The following UBL3 variants were observed in gnomAD, a reference collection of about 807,000 sequenced individuals.
The protein encoded by UBL3 is ubiquitin-like protein 3.
In UBL3, 6 loss-of-function variants were observed where a neutral mutation model predicts 18.4. The ratio of observed to expected loss-of-function variants is 0.33; its 90% CI spans 0.18 to 0.64. The LOEUF is 0.64. Ranked by LOEUF, UBL3 falls within the 30% of genes least tolerant of loss-of-function variation. UBL3 has a pLI of 0.76. For missense variants in UBL3, 109 were observed against 142.9 expected (o/e 0.76, Z 1.21); for synonymous variants, 49 against 46.6 (o/e 1.05, Z -0.21).
intron 1 of UBL3, among the ~76,000 whole-genome samples, chr13:29,817,015 C>T (rs1376045818): frequency 6.6e-6 from 1 of 152,120 alleles, no homozygotes; most frequent in Non-Finnish European, 1.5e-5. Flanking sequence ...CAACAATCCC[C>T]CAAAGACAAA....
chr13:29,776,913 TA>T (rs1455992731), intron 2 of UBL3, among the ~76,000 whole-genome samples: 6 of 147,462 alleles, frequency 4.1e-5, no homozygotes, highest in African/African-American at 1.5e-4. Flanking sequence ...TTTTTTCACT[TA>T]CGTTAAAACA....
chr13:29,840,992 T>C (rs576179290), intron 1 of UBL3, among the ~76,000 whole-genome samples: 1 of 152,132 alleles, frequency 6.6e-6, no homozygotes, highest in Non-Finnish European at 1.5e-5. Flanking sequence ...ACAATGAGAA[T>C]AGCAGGATAC....
intron 2 of UBL3, among the ~76,000 whole-genome samples, chr13:29,776,869 CAAAAAAAAAAA>C (rs869080358): frequency 2.2e-4 from 14 of 62,732 alleles, no homozygotes; most frequent in African/African-American, 8.1e-4. Context: ...GACTCCATCT[CAAAAAAAAAAA>C]AAAAAAAAAA....
intron 1 of UBL3, among the ~76,000 whole-genome samples, chr13:29,801,820 C>A (rs1330822768): frequency 1.3e-5 from 2 of 152,168 alleles, no homozygotes; most frequent in Non-Finnish European, 2.9e-5. Context: ...TGCAGCCACC[C>A]CACCCCAGGC....
intron 1 of UBL3, among the ~76,000 whole-genome samples, chr13:29,843,106 CAAG>C (rs1166559037): frequency 1.3e-5 from 2 of 152,140 alleles, no homozygotes; most frequent in South Asian, 4.1e-4. Flanking sequence ...CTATCAAACA[CAAG>C]AAGTTAAAAT....
intron 1 of UBL3, among the ~76,000 whole-genome samples, chr13:29,836,639 G>C (rs1049111701): frequency 4.0e-5 from 6 of 151,818 alleles, no homozygotes; most frequent in Admixed American, 2.0e-4. Flanking sequence ...CAGAGCAAAA[G>C]GCCAAGCAGA....
chr13:29,776,556 CCTGG>C (rs1399630631), intron 2 of UBL3, among the ~76,000 whole-genome samples: 1 of 152,026 alleles, frequency 6.6e-6, no homozygotes, highest in East Asian at 1.9e-4. Flanking sequence ...AGCCACCATC[CCTGG>C]CTGCATTTTT....
intron 1 of UBL3, among the ~76,000 whole-genome samples, chr13:29,816,754 CAAA>C (rs57272367): frequency 2.0e-3 from 84 of 42,606 alleles, no homozygotes; most frequent in Middle Eastern, 0.013. Context: ...GACCCTGTCT[CAAA>C]AAAAAAAAAA....
intron 1 of UBL3, among the ~76,000 whole-genome samples, chr13:29,788,001 G>A (rs2139321409): frequency 6.6e-6 from 1 of 152,252 alleles, no homozygotes; most frequent in Admixed American, 6.5e-5. Flanking sequence ...CGGCATGATG[G>A]TGGAAGTTTT....
At chr13:29,821,665 G>C (rs145559893) in intron 1 of UBL3, among the ~76,000 whole-genome samples, 1 of 152,260 alleles carries the variant, frequency 6.6e-6, no homozygotes, top group Non-Finnish European at 1.5e-5. Flanking sequence ...GTACTCCACA[G>C]GTAGCAAAGT....
At chr13:29,785,957 G>A (rs1296633455) in intron 1 of UBL3, among the ~76,000 whole-genome samples, 4 of 152,136 alleles carry the variant, frequency 2.6e-5, no homozygotes, top group Non-Finnish European at 2.9e-5. Flanking sequence ...GTAGGGTGTG[G>A]AACAGTGAGT....
chr13:29,825,114 G>C, intron 1 of UBL3, among the ~76,000 whole-genome samples: 1 of 152,188 alleles, frequency 6.6e-6, no homozygotes, highest in East Asian at 1.9e-4. Flanking sequence ...CTGTAGCCTT[G>C]TAATGTAGTT....
At chr13:29,834,005 G>T (rs1163311316) in intron 1 of UBL3, among the ~76,000 whole-genome samples, 1 of 152,050 alleles carries the variant, frequency 6.6e-6, no homozygotes, top group East Asian at 1.9e-4. Context: ...GGCCAACATG[G>T]TGAAACCCCG....
chr13:29,811,251 G>T (rs1162325222), intron 1 of UBL3, among the ~76,000 whole-genome samples: 2 of 152,066 alleles, frequency 1.3e-5, no homozygotes, highest in Non-Finnish European at 2.9e-5. Context: ...CAAATTTCTT[G>T]TTGCAGAATA....
In UBL3 at chr13:29,821,726, G is replaced by A. The variant is rs570950306; in HGVS notation, c.27+27786C>T. Among the ~76,000 whole-genome samples, 79 of 152,136 alleles carry A rather than the reference G, an allele frequency of 5.2e-4. No individual in the cohort carries two copies. In the South Asian group the frequency reaches 0.011, roughly 22 times the overall value. On this transcript the variant is annotated intron_variant, in intron 1 of 4. Coordinates refer to ENST00000380680, the MANE Select transcript of UBL3 (RefSeq NM_007106.4). ...TTATTTGCTTTATATTCTCTAGTAC[G>A]AGACCATATGAAAATTTTTTACTAA...
chr13:29,837,722 G>A (rs1323689528), intron 1 of UBL3, among the ~76,000 whole-genome samples: 1 of 151,940 alleles, frequency 6.6e-6, no homozygotes. Flanking sequence ...TTGAGGCCAG[G>A]AGTTTGAGAA....
intron 1 of UBL3, among the ~76,000 whole-genome samples, chr13:29,822,349 G>A (rs1878480300): frequency 6.6e-6 from 1 of 152,146 alleles, no homozygotes; most frequent in African/African-American, 2.4e-5. Context: ...GTACTGACTG[G>A]AGGAGGGAAC....
At chr13:29,813,012 T>C (rs57634252) in intron 1 of UBL3, among the ~76,000 whole-genome samples, 12,839 of 152,018 alleles carry the variant, frequency 0.084, 597 homozygotes, top group African/African-American at 0.11. Flanking sequence ...TAAAGAGTCA[T>C]TTTTACCCAA....
intron 1 of UBL3, 24 bp from the exon 2 acceptor site, chr13:29,777,287 T>C (rs1593651014): frequency 6.4e-7 from 1 of 1,568,286 alleles, no homozygotes; most frequent in Non-Finnish European, 8.7e-7. Flanking sequence ...ATGATTCTTT[T>C]AACATAAATC....
Sources: allele counts gnomAD v4.1 joint callset (sites outside exome capture counted in the v4.1 genomes callset), GRCh38; gene constraint gnomAD v4.1.1; transcripts MANE v1.5; gene names NCBI Gene and HGNC (gene_info 2026-07-23, HGNC 2026-07-21).